TSPAN9: variants seen among roughly 807,000 people sequenced by gnomAD.
TSPAN9 encodes the protein tetraspanin 9.
Under a neutral mutation model 31.0 loss-of-function variants are expected in TSPAN9, and 16 were observed. The observed-to-expected ratio is 0.52, with a 90% confidence interval of 0.35 to 0.78. The LOEUF (loss-of-function observed/expected upper bound fraction) is 0.78. Among genes scored for constraint, TSPAN9 ranks in the 30% least tolerant of loss-of-function variants. TSPAN9 has a pLI of 0.01. For synonymous variants in TSPAN9, 145 were observed against 121.6 expected (o/e 1.19, Z -1.27); for missense variants, 272 against 312.5 (o/e 0.87, Z 0.98).
At chr12:3,179,323 G>T (rs1047417562) in intron 2 of TSPAN9, among the ~76,000 whole-genome samples, 2 of 152,200 alleles carry the variant, frequency 1.3e-5, no homozygotes, top group African/African-American at 4.8e-5. Context: ...AACCGGCCCA[G>T]GGTGGTAGCT....
chr12:3,154,809 A>G (rs1384194680), intron 2 of TSPAN9, among the ~76,000 whole-genome samples: 4 of 152,202 alleles, frequency 2.6e-5, no homozygotes, highest in African/African-American at 9.7e-5. Flanking sequence ...TGCCTCTCAC[A>G]TGGACCTGCC....
chr12:3,256,709 G>A (rs988461006), intron 3 of TSPAN9, among the ~76,000 whole-genome samples: 14 of 152,080 alleles, frequency 9.2e-5, no homozygotes, highest in African/African-American at 3.4e-4. Context: ...TAACTCTTTC[G>A]GGGGACTACA....
chr12:3,199,502 G>C (rs1311441517), intron 2 of TSPAN9, among the ~76,000 whole-genome samples: 2 of 152,242 alleles, frequency 1.3e-5, no homozygotes, highest in Non-Finnish European at 2.9e-5. Flanking sequence ...CCGAGCAAAA[G>C]CTCGTTTCTC....
chr12:3,240,118 C>T (rs549965941), intron 3 of TSPAN9, among the ~76,000 whole-genome samples: 3 of 152,208 alleles, frequency 2.0e-5, no homozygotes, highest in Non-Finnish European at 4.4e-5. Context: ...AACCCTCACC[C>T]GGCCTCCACA....
In TSPAN9 at chr12:3,281,986, T is replaced by G. The variant is rs181779491; in HGVS notation, c.648+169T>G. On this transcript the variant is annotated intron_variant, in intron 8 of 8. Coordinates refer to ENST00000011898, the MANE Select transcript of TSPAN9 (RefSeq NM_006675.5). ...TGCCACCGTTTCCGCAGAGCTCTGA[T>G]ATGAGAGCACGTGTCTACTCAGCAC... is the stretch of plus-strand genomic sequence containing the variant. The G allele has an allele frequency of 2.0e-5, 16 of 795,568 alleles. No individual in the cohort carries two copies. In the East Asian group the frequency reaches 4.3e-4, roughly 21 times the overall value. 49.3% of individuals were successfully genotyped at this position (795,568 alleles called of 1,614,324 possible).
chr12:3,231,933 C>T (rs1248522003), intron 3 of TSPAN9, among the ~76,000 whole-genome samples: 1 of 152,240 alleles, frequency 6.6e-6, no homozygotes, highest in African/African-American at 2.4e-5. Flanking sequence ...GCCAGGGCAG[C>T]GTCTCCCCTC....
chr12:3,130,593 T>C (rs1222557596), intron 2 of TSPAN9, among the ~76,000 whole-genome samples: 2 of 152,062 alleles, frequency 1.3e-5, no homozygotes, highest in African/African-American at 2.4e-5. Flanking sequence ...GGTGGCAGAG[T>C]GGGCCCTTCC....
intron 3 of TSPAN9, among the ~76,000 whole-genome samples, chr12:3,237,383 C>T (rs145563010): frequency 2.0e-4 from 30 of 152,316 alleles, no homozygotes; most frequent in African/African-American, 6.0e-4. Flanking sequence ...TCTGTGAGGC[C>T]GTTCTGGTCC....
chr12:3,239,910 AG>A (rs533962157), intron 3 of TSPAN9, among the ~76,000 whole-genome samples: 12 of 146,760 alleles, frequency 8.2e-5, no homozygotes, highest in African/African-American at 2.7e-4. Flanking sequence ...CTGACTATAT[AG>A]GGGGGGGACG....
In TSPAN9 at chr12:3,144,170, G is replaced by A. The variant is rs143745952; in HGVS notation, c.-17-57007G>A. Reference sequence around the variant, plus strand: ...GGCTGGAGTGCAGTGGTGCGATCTTGGCTCAGTGCAACCTCCACCTGCTAG... The same window carrying A: ...GGCTGGAGTGCAGTGGTGCGATCTTAGCTCAGTGCAACCTCCACCTGCTAG... On this transcript the variant is annotated intron_variant, in intron 2 of 8. Coordinates refer to ENST00000011898, the MANE Select transcript of TSPAN9 (RefSeq NM_006675.5). 2.6e-5 allele frequency among the ~76,000 whole-genome samples: 4 copies of A among 152,116 alleles called. No homozygotes were observed. The East Asian group carries it at 7.7e-4, about 29-fold the overall frequency.
intron 2 of TSPAN9, among the ~76,000 whole-genome samples, chr12:3,155,596 T>TAAA (rs200148503): frequency 6.8e-6 from 1 of 147,104 alleles, no homozygotes; most frequent in East Asian, 2.0e-4. Context: ...CCTGTCTCTT[T>TAAA]AAAAAAAAAA....
At chr12:3,279,196 G>T in intron 5 of TSPAN9, 130 bp downstream of exon 5, 1 of 838,840 alleles carries the variant, frequency 1.2e-6, no homozygotes. Flanking sequence ...AAAGGAACAT[G>T]GAACCAAGGG....
At chr12:3,157,228 T>C (rs1013832944) in intron 2 of TSPAN9, among the ~76,000 whole-genome samples, 6 of 151,922 alleles carry the variant, frequency 3.9e-5, no homozygotes, top group Non-Finnish European at 5.9e-5. Flanking sequence ...GCCTCCCGAG[T>C]AGCTGGGACT....
chr12:3,208,529 G>A (rs901617265), intron 3 of TSPAN9, among the ~76,000 whole-genome samples: 2 of 152,180 alleles, frequency 1.3e-5, no homozygotes, highest in Non-Finnish European at 2.9e-5. Flanking sequence ...TCACAGTGCG[G>A]GGCCCCCACA....
chr12:3,186,974 T>A (rs989437883), intron 2 of TSPAN9, among the ~76,000 whole-genome samples: 3 of 152,198 alleles, frequency 2.0e-5, no homozygotes, highest in African/African-American at 7.2e-5. Context: ...ATTAGAACAT[T>A]TGCCTGCCAG....
At chr12:3,184,992 T>C (rs1242745811) in intron 2 of TSPAN9, among the ~76,000 whole-genome samples, 1 of 152,084 alleles carries the variant, frequency 6.6e-6, no homozygotes, top group Non-Finnish European at 1.5e-5. Context: ...GGTTCCTTGG[T>C]TCTATAGTCT....
intron 8 of TSPAN9, 148 bp downstream of exon 8, chr12:3,281,965 A>G (rs933013887): frequency 2.2e-6 from 2 of 898,934 alleles, no homozygotes; most frequent in African/African-American, 3.3e-5. Flanking sequence ...TGTGCCTGCC[A>G]CCGTTTCCGC....
intron 2 of TSPAN9, among the ~76,000 whole-genome samples, chr12:3,122,677 T>C (rs2098325701): frequency 6.6e-6 from 1 of 152,196 alleles, no homozygotes; most frequent in Non-Finnish European, 1.5e-5. Flanking sequence ...CCCGCATCTG[T>C]CTGAATGTGC....
intron 3 of TSPAN9, among the ~76,000 whole-genome samples, chr12:3,236,655 C>G (rs1016233896): frequency 7.2e-5 from 11 of 152,178 alleles, no homozygotes; most frequent in African/African-American, 2.4e-4. Context: ...AAAATGGAGG[C>G]GGGGGTAGAG....
Sources: gnomAD v4.1 joint callset for allele counts (sites outside exome capture counted in the v4.1 genomes callset) on GRCh38, gnomAD v4.1.1 for gene constraint, MANE v1.5 for transcripts, NCBI Gene and HGNC (gene_info 2026-07-23, HGNC 2026-07-21) for gene names.